SLC2A9: variants seen among roughly 807,000 people sequenced by gnomAD.
SLC2A9 encodes solute carrier family 2, facilitated glucose transporter member 9.
SLC2A9 carries 39 observed loss-of-function variants against 50.6 expected under a neutral mutation model. The observed-to-expected ratio is 0.77, with a 90% CI of 0.60 to 1.01. SLC2A9 has a LOEUF of 1.01. Among genes scored for constraint, SLC2A9 ranks in the 50% least tolerant of loss-of-function variants. SLC2A9 has a pLI of 0.00. For synonymous variants in SLC2A9, 324 were observed against 276.9 expected (o/e 1.17, Z -1.69); for missense variants, 686 against 677.6 (o/e 1.01, Z -0.14).
chr4:9,776,943 T>G (rs554238413), downstream of SLC2A9, among the ~76,000 whole-genome samples: 1 of 152,274 alleles, frequency 6.6e-6, no homozygotes, highest in South Asian at 2.1e-4. Context: ...CTTTTACCTC[T>G]TTATCAAATA....
At chr4:10,015,816 G>A (rs1762518716) in intron 2 of SLC2A9, among the ~76,000 whole-genome samples, 1 of 152,230 alleles carries the variant, frequency 6.6e-6, no homozygotes, top group African/African-American at 2.4e-5. Flanking sequence ...AGGCTGTGCT[G>A]TTTTGTTACA....
chr4:9,984,258 C>T (rs184935717), intron 4 of SLC2A9, among the ~76,000 whole-genome samples: 1 of 152,264 alleles, frequency 6.6e-6, no homozygotes, highest in East Asian at 1.9e-4. Context: ...CTTCCAGGCC[C>T]CCACTCTCCT....
intron 1 of SLC2A9, among the ~76,000 whole-genome samples, chr4:10,033,776 G>A (rs983175457): frequency 3.9e-5 from 6 of 152,178 alleles, no homozygotes; most frequent in South Asian, 2.1e-4. Context: ...GGTGGGAAAC[G>A]GGTGTCGCTG....
chr4:9,784,984 G>T (rs1719032130), intron 3 of SLC2A9, among the ~76,000 whole-genome samples: 1 of 152,158 alleles, frequency 6.6e-6, no homozygotes, highest in Admixed American at 6.5e-5. Flanking sequence ...CTGGAACAGT[G>T]AGATTGAAAG....
chr4:9,782,989 T>G, intron 3 of SLC2A9: 1 of 1,614,216 alleles, frequency 6.2e-7, no homozygotes, highest in South Asian at 1.1e-5. Context: ...GCATGGTCCC[T>G]TTCTGCAGTG....
chr4:10,032,999 C>T lies in SLC2A9; in HGVS notation c.-40-6993G>A, dbSNP rs546923082. Among the ~76,000 whole-genome samples, 12 of 152,234 alleles carry T rather than the reference C, an allele frequency of 7.9e-5. No individual in the cohort carries two copies. In the South Asian group the frequency reaches 2.5e-3, roughly 32 times the overall value. On this transcript the variant is annotated intron_variant, in intron 1 of 12. Transcript: ENST00000309065. ...AGATGCATGTAAAGCCGGGCACTGC[C>T]GAGCTGTTCACTAAACCTTAGTCCT...
At chr4:9,937,759 A>C (rs1747350807) in intron 6 of SLC2A9, among the ~76,000 whole-genome samples, 1 of 152,204 alleles carries the variant, frequency 6.6e-6, no homozygotes, top group African/African-American at 2.4e-5. Flanking sequence ...GCAGGGCCTG[A>C]AGAGCCAGCT....
Position 9,906,520 on chromosome 4 carries a change from T to A in SLC2A9, c.1113+1715A>T, listed in dbSNP as rs368011388. 6.6e-5 allele frequency among the ~76,000 whole-genome samples: 10 copies of A among 152,312 alleles called. No homozygotes were observed. In the East Asian group the frequency reaches 1.9e-3, roughly 29 times the overall value. ...GAACAAAAGCAGATCAGAGCTCGTA[T>A]TTAGAATAGGATTACTGTGCTACTA... On this transcript the variant is annotated intron_variant, in intron 8 of 11. Transcript: ENST00000264784.
intron 5 of SLC2A9, among the ~76,000 whole-genome samples, chr4:9,965,581 T>C (rs1021536267): frequency 2.6e-5 from 4 of 152,234 alleles, no homozygotes; most frequent in African/African-American, 9.6e-5. Flanking sequence ...AACTTATGGA[T>C]GACCTTTCTT....
chr4:10,007,130 C>T (rs1760936130), intron 2 of SLC2A9, among the ~76,000 whole-genome samples: 1 of 152,218 alleles, frequency 6.6e-6, no homozygotes, highest in Non-Finnish European at 1.5e-5. Context: ...CTACCGCATT[C>T]CTGTGCCAAC....
chr4:9,776,070 G>A (rs113426638), downstream of SLC2A9, among the ~76,000 whole-genome samples: 952 of 152,184 alleles, frequency 6.3e-3, 8 homozygotes, highest in African/African-American at 0.022. Context: ...AAGGGAACCC[G>A]AGGGAAGGGA....
chr4:9,863,219 T>A (rs1731936463), intron 10 of SLC2A9, among the ~76,000 whole-genome samples: 1 of 151,986 alleles, frequency 6.6e-6, no homozygotes, highest in Non-Finnish European at 1.5e-5. Context: ...TGAACATGGC[T>A]CACTCTAACC....
At chr4:9,815,346 G>C (rs1276535626) in intron 3 of SLC2A9, among the ~76,000 whole-genome samples, 2 of 152,216 alleles carry the variant, frequency 1.3e-5, no homozygotes, top group East Asian at 3.9e-4. Context: ...CATTTGCCTT[G>C]TGCCCTTTCC....
In SLC2A9 at chr4:9,882,975, G is replaced by A. The variant is rs112740965; in HGVS notation, c.1291+4592C>T. Among the ~76,000 whole-genome samples the A allele has an allele frequency of 5.9e-5, 9 of 152,174 alleles. No individual in the cohort carries two copies. The East Asian group carries it at 1.7e-3, about 29-fold the overall frequency. On this transcript the variant is annotated intron_variant, in intron 10 of 11. Coordinates refer to ENST00000264784, the MANE Select transcript of SLC2A9 (RefSeq NM_020041.3). ...GTTTAGCTATGGGGCTAGCTTGCTG[G>A]AAAATGTCAGTGTTAGCTGAAAAAT...
chr4:9,927,311 C>T (rs930593200), intron 6 of SLC2A9, among the ~76,000 whole-genome samples: 5 of 152,248 alleles, frequency 3.3e-5, no homozygotes, highest in Non-Finnish European at 7.3e-5. Flanking sequence ...GCCACCACGC[C>T]CAACCCCATT....
chr4:9,971,135 C>T (rs1047950552), intron 5 of SLC2A9, among the ~76,000 whole-genome samples: 12 of 152,156 alleles, frequency 7.9e-5, no homozygotes, highest in African/African-American at 2.2e-4. Flanking sequence ...CTGAATAAAG[C>T]CCTTCCTTCT....
rs183423206 is a variant in SLC2A9 at position 9,893,674 on chromosome 4, G to A, written c.1114-2963C>T. On this transcript the variant is annotated intron_variant, in intron 8 of 11. Transcript: ENST00000264784. ...TCATGAGCTGGGTTTCATCAAAGAG[G>A]AGACACTGATGGGGCTGCTGTGCCA... Among the ~76,000 whole-genome samples the A allele has an allele frequency of 2.6e-5, 4 of 152,216 alleles. No homozygotes were observed. The East Asian group carries it at 7.7e-4, about 29-fold the overall frequency.
intron 10 of SLC2A9, among the ~76,000 whole-genome samples, chr4:9,886,519 T>C (rs945997191): frequency 4.0e-5 from 6 of 151,366 alleles, no homozygotes; most frequent in Non-Finnish European, 7.4e-5. Context: ...AACCATTCCA[T>C]GGCCCACCTT....
chr4:9,979,382 TTG>T (rs1194058935), intron 5 of SLC2A9, among the ~76,000 whole-genome samples: 1 of 152,170 alleles, frequency 6.6e-6, no homozygotes, highest in African/African-American at 2.4e-5. Context: ...TGTTTGTCTG[TTG>T]TGCACTGTTC....
Sources: allele counts gnomAD v4.1 joint callset (sites outside exome capture counted in the v4.1 genomes callset), GRCh38; gene constraint gnomAD v4.1.1; transcripts MANE v1.5; gene names NCBI Gene and HGNC (gene_info 2026-07-23, HGNC 2026-07-21).